Variants in ARL15 observed in about 807,000 individuals in gnomAD.
The protein encoded by ARL15 is ADP-ribosylation factor-like protein 15.
ARL15 carries 19 observed loss-of-function variants against 25.2 expected under a neutral mutation model. The ratio of observed to expected loss-of-function variants is 0.75; its 90% CI spans 0.53 to 1.10. ARL15 has a LOEUF of 1.10. ARL15 is among the 50% of genes least tolerant of loss of function. The pLI, the probability that ARL15 is intolerant of heterozygous loss-of-function variation, is 0.00. For synonymous variants in ARL15, 94 were observed against 86.8 expected, an observed-to-expected ratio of 1.08 and a Z score of -0.46; for missense variants, 220 against 246.0, an observed-to-expected ratio of 0.89 and a Z score of 0.71.
intron 4 of ARL15, among the ~76,000 whole-genome samples, chr5:54,007,321 G>A (rs1298388393): frequency 2.6e-5 from 4 of 152,068 alleles, no homozygotes; most frequent in Non-Finnish European, 4.4e-5. Flanking sequence ...ATAGCCAATG[G>A]TGTTTTGATA....
intron 2 of ARL15, among the ~76,000 whole-genome samples, chr5:54,163,264 T>A (rs933181688): frequency 8.6e-5 from 13 of 151,906 alleles, no homozygotes; most frequent in African/African-American, 3.1e-4. Flanking sequence ...TCATGACATA[T>A]TATCCTATTA....
At chr5:53,951,792 T>C (rs1356709258) in intron 4 of ARL15, among the ~76,000 whole-genome samples, 2 of 151,836 alleles carry the variant, frequency 1.3e-5, no homozygotes, top group East Asian at 1.9e-4. Flanking sequence ...AGTTTCTTCC[T>C]TACCAGCTAC....
Position 54,040,297 on chromosome 5 carries a change from G to C in ARL15, c.462+72905C>G, listed in dbSNP as rs187915193. 5.2e-3 allele frequency among the ~76,000 whole-genome samples: 795 copies of C among 152,246 alleles called. 3 individuals are homozygous for C. The highest frequency in any genetic ancestry group is 0.011 in the Admixed American group (172 of 15,280). Reference sequence around the variant, plus strand: ...TTTGTCCCTCTTTTAATGAAAGAAAGCTCATACTTAAACAGGTGAACTATC... The same window carrying C: ...TTTGTCCCTCTTTTAATGAAAGAAACCTCATACTTAAACAGGTGAACTATC... On this transcript the variant is annotated intron_variant, in intron 4 of 4. Transcript: ENST00000504924.
At chr5:53,960,162 T>C (rs1346427418) in intron 4 of ARL15, among the ~76,000 whole-genome samples, 2 of 152,148 alleles carry the variant, frequency 1.3e-5, no homozygotes, top group African/African-American at 4.8e-5. Context: ...AATTGGTTCA[T>C]ATAGGCAAAT....
chr5:53,956,397 A>G (rs1561164867), intron 4 of ARL15, among the ~76,000 whole-genome samples: 2 of 150,478 alleles, frequency 1.3e-5, no homozygotes, highest in African/African-American at 2.4e-5. Flanking sequence ...CAAAAAATAT[A>G]TAAGGCATGC....
In ARL15 at chr5:54,057,882, T is replaced by C. The variant is rs183397411; in HGVS notation, c.462+55320A>G. ...CTAATGAATAAAGTAAAACACAGTA[T>C]GAGCCCACAAATAATCCCAATAATT... On this transcript the variant is annotated intron_variant, in intron 4 of 4. Transcript: ENST00000504924. Among the ~76,000 whole-genome samples the C allele has an allele frequency of 3.2e-4, 48 of 152,218 alleles. No individual in the cohort carries two copies. The East Asian group carries it at 8.1e-3, about 26-fold the overall frequency.
intron 1 of ARL15, among the ~76,000 whole-genome samples, chr5:54,181,198 A>G (rs991565442): frequency 6.6e-6 from 1 of 152,236 alleles, no homozygotes; most frequent in African/African-American, 2.4e-5. Context: ...ACTAGGAAAG[A>G]AAACTAAGTA....
intron 1 of ARL15, among the ~76,000 whole-genome samples, chr5:54,281,367 T>C (rs1669469427): frequency 6.6e-6 from 1 of 152,212 alleles, no homozygotes; most frequent in Admixed American, 6.5e-5. Context: ...CTCAAACTCC[T>C]GACCTCAGGT....
At chr5:54,126,556 A>G (rs1579825825) in intron 3 of ARL15, among the ~76,000 whole-genome samples, 1 of 152,234 alleles carries the variant, frequency 6.6e-6, no homozygotes, top group Non-Finnish European at 1.5e-5. Context: ...TGTGTCCCCC[A>G]AAAAGCATGT....
chr5:53,947,167 GGTGTGTGTGTGTGTGTGTGTGTGTGT>G lies in ARL15; in HGVS notation c.463-60480_463-60455del, dbSNP rs3222349. On this transcript the variant is annotated intron_variant, in intron 4 of 4. Coordinates refer to ENST00000504924, the MANE Select transcript of ARL15 (RefSeq NM_019087.3). Reference sequence around the variant, plus strand: ...CTAGCCAAAGAGAAAAATAAATAAGGGTGTGTGTGTGTGTGTGTGTGTGTGTGTGTGTGTGTGTGTGTGTGTGTGTG... The same window carrying G: ...CTAGCCAAAGAGAAAAATAAATAAGGGTGTGTGTGTGTGTGTGTGTGTGTG... Among the ~76,000 whole-genome samples, 8 of 123,698 alleles carry G rather than the reference GGTGTGTGTGTGTGTGTGTGTGTGTGT, an allele frequency of 6.5e-5. No homozygotes were observed. The South Asian group carries it at 1.2e-3, about 19-fold the overall frequency. The allele number at this position is 123,698 out of a possible 152,430, so 81.2% of individuals were successfully genotyped here. A position where few individuals can be genotyped will look rare whatever the true frequency, so the allele number is the denominator to read the frequency against.
intron 4 of ARL15, among the ~76,000 whole-genome samples, chr5:54,002,532 T>A (rs902215765): frequency 6.6e-6 from 1 of 152,174 alleles, no homozygotes; most frequent in Admixed American, 6.5e-5. Flanking sequence ...TGTTGAGATA[T>A]TTTAGGCAGA....
rs35235754 is a variant in ARL15, at chr5:53,886,072, C to CAAAAAAA, written c.*482_*488dup. The CAAAAAAA allele has an allele frequency of 7.6e-6, 1 of 130,918 alleles. No homozygotes were observed. The allele number at this position is 130,918 out of a possible 1,614,324, so 8.1% of individuals were successfully genotyped here. A position where few individuals can be genotyped will look rare whatever the true frequency, so the allele number is the denominator to read the frequency against. ...CTCATAGTCTATAAGCTCAGTATACCAAAAAAAAAAAAAAATTAGATAAAA... is the reference window on the plus strand; with the variant it reads ...CTCATAGTCTATAAGCTCAGTATACCAAAAAAAAAAAAAAAAAAAAAATTAGATAAAA... On this transcript the variant is annotated 3_prime_UTR_variant, in exon 5 of 5. Transcript: ENST00000504924.
At chr5:53,914,518 C>T (rs1177625963) in intron 4 of ARL15, among the ~76,000 whole-genome samples, 1 of 152,134 alleles carries the variant, frequency 6.6e-6, no homozygotes, top group Non-Finnish European at 1.5e-5. Context: ...TTGACTGCTC[C>T]CTCAACCCAA....
intron 4 of ARL15, among the ~76,000 whole-genome samples, chr5:53,923,150 T>G (rs192124426): frequency 2.1e-4 from 32 of 152,196 alleles, no homozygotes; most frequent in African/African-American, 7.0e-4. Context: ...TGACTGCCTC[T>G]TCACGATTCG....
intron 4 of ARL15, among the ~76,000 whole-genome samples, chr5:53,942,704 C>T (rs1283490568): frequency 3.9e-5 from 6 of 152,166 alleles, no homozygotes. Flanking sequence ...CGAGATCGCG[C>T]CACTGCACTC....
At chr5:54,025,662 T>G (rs1156259967) in intron 4 of ARL15, among the ~76,000 whole-genome samples, 1 of 151,960 alleles carries the variant, frequency 6.6e-6, no homozygotes, top group Non-Finnish European at 1.5e-5. Context: ...TGTTTGTTTG[T>G]TTGTTTGTTT....
At chr5:54,164,390 T>C (rs948675213) in intron 2 of ARL15, among the ~76,000 whole-genome samples, 1 of 152,058 alleles carries the variant, frequency 6.6e-6, no homozygotes. Flanking sequence ...AGTTAGCTGT[T>C]AGTGTTGTTG....
At chr5:54,128,302 G>C (rs1753322723) in intron 3 of ARL15, among the ~76,000 whole-genome samples, 1 of 152,138 alleles carries the variant, frequency 6.6e-6, no homozygotes, top group East Asian at 1.9e-4. Flanking sequence ...ACACAACAAA[G>C]CATCAGTTTT....
intron 4 of ARL15, among the ~76,000 whole-genome samples, chr5:53,916,724 T>A (rs1745661716): frequency 6.6e-6 from 1 of 152,046 alleles, no homozygotes; most frequent in Non-Finnish European, 1.5e-5. Flanking sequence ...AAAGGCCAGA[T>A]GATTGATACA....
Sources: allele counts gnomAD v4.1 joint callset (sites outside exome capture counted in the v4.1 genomes callset), GRCh38; gene constraint gnomAD v4.1.1; transcripts MANE v1.5; gene names NCBI Gene and HGNC (gene_info 2026-07-23, HGNC 2026-07-21).